KCNG2: variants seen among roughly 807,000 people sequenced by gnomAD.
KCNG2 encodes the protein potassium voltage-gated channel modifier subfamily G member 2.
In KCNG2, 7 loss-of-function variants were observed where a neutral mutation model predicts 12.3. The observed-to-expected ratio is 0.57, with a 90% CI of 0.32 to 1.07. The LOEUF (loss-of-function observed/expected upper bound fraction) is 1.07, where lower values mean the gene tolerates loss of function less well. Among genes scored for constraint, KCNG2 ranks in the 50% least tolerant of loss-of-function variants. The pLI is 0.04. For missense variants in KCNG2, 703 were observed against 726.0 expected (o/e 0.97, Z 0.36); for synonymous variants, 414 against 351.4 (o/e 1.18, Z -1.99).
rs949408376 is a variant in KCNG2, at chr18:79,884,127, G to A, written c.625-14913G>A. The stretch of plus-strand genomic sequence containing the variant: ...CAGCCTCCCGCCTGCAATTTCCGTG[G>A]CACAGGCCGACCTCTCTCTGCCAGC... On this transcript the variant is annotated intron_variant, in intron 3 of 3. Coordinates refer to ENST00000316249, the MANE Select transcript of KCNG2 (RefSeq NM_012283.2). This position sits in a 1 kb window ranked among gnomAD's most constrained non-coding sequence, Gnocchi z 5.5. Among the ~76,000 whole-genome samples, 1 of 152,060 alleles carries A rather than the reference G, an allele frequency of 6.6e-6. No homozygotes were observed. Among genetic ancestry groups the A allele is most frequent in the Admixed American group, 6.5e-5 (1 of 15,276 alleles).
At position 79,832,569 on chromosome 18, in the gene KCNG2, GT is replaced by G. The variant is rs1214201591; in HGVS notation, c.-114-23804del. ...TCTATCTTCTCCCCACTCTCTTGCT[GT>G]TTTTTGAAACCCCACTCCTCCCTTC... On this transcript the variant is annotated intron_variant, in intron 1 of 3. Coordinates refer to ENST00000316249, the MANE Select transcript of KCNG2 (RefSeq NM_012283.2). 3.3e-5 allele frequency among the ~76,000 whole-genome samples: 5 copies of G among 152,154 alleles called. No homozygotes were observed. The East Asian group carries it at 9.7e-4, about 29-fold the overall frequency.
chr18:79,870,439 G>A (rs949033073), intron 3 of KCNG2, among the ~76,000 whole-genome samples: 2 of 152,136 alleles, frequency 1.3e-5, no homozygotes, highest in African/African-American at 2.4e-5. Flanking sequence ...AGGATCCAGA[G>A]GCTTTGGAGG....
intron 2 of KCNG2, among the ~76,000 whole-genome samples, chr18:79,857,128 A>G (rs139911381): frequency 0.026 from 314 of 12,104 alleles, 1 homozygote; most frequent in Non-Finnish European, 0.055. Flanking sequence ...TGTGTTCCTC[A>G]GATCTATGCT....
chr18:79,867,195 C>A (rs1433418085), intron 3 of KCNG2, among the ~76,000 whole-genome samples: 1 of 151,558 alleles, frequency 6.6e-6, no homozygotes, highest in African/African-American at 2.4e-5. Context: ...GCTGAGAGAT[C>A]TGGGTGCTGA....
chr18:79,816,262 C>T (rs1455341148), intron 1 of KCNG2: 4 of 152,358 alleles, frequency 2.6e-5, no homozygotes, highest in Non-Finnish European at 5.9e-5. Flanking sequence ...CAAGTTCCCT[C>T]CTCAGAGGTG....
At chr18:79,846,374 C>CAAAA (rs11421957) in intron 1 of KCNG2, among the ~76,000 whole-genome samples, 21 of 61,256 alleles carry the variant, frequency 3.4e-4, no homozygotes, top group African/African-American at 4.3e-4. Context: ...GACTCCGTCT[C>CAAAA]AAAAAAAAAA....
intron 3 of KCNG2, among the ~76,000 whole-genome samples, chr18:79,894,377 G>A (rs1980871849): frequency 6.7e-6 from 1 of 149,326 alleles, no homozygotes; most frequent in African/African-American, 2.5e-5. Flanking sequence ...TGATATAGTT[G>A]GGTCTGTGTC....
intron 1 of KCNG2, among the ~76,000 whole-genome samples, chr18:79,821,284 G>C (rs2087568032): frequency 8.8e-6 from 1 of 113,582 alleles, no homozygotes; most frequent in Admixed American, 1.2e-4. Flanking sequence ...ATTTTTACTT[G>C]AATTTTTTTT....
intron 1 of KCNG2, among the ~76,000 whole-genome samples, chr18:79,823,127 C>G (rs747021929): frequency 6.6e-6 from 1 of 152,222 alleles, no homozygotes; most frequent in African/African-American, 2.4e-5. Context: ...TGGCAAATCT[C>G]TGCCTTTCTT....
chr18:79,824,283 C>T (rs1167022621), intron 1 of KCNG2, among the ~76,000 whole-genome samples: 3 of 152,258 alleles, frequency 2.0e-5, no homozygotes, highest in East Asian at 1.9e-4. Flanking sequence ...CAGGCGTGAG[C>T]CTCGGTGCTT....
chr18:79,837,106 A>G (rs931093044), intron 1 of KCNG2, among the ~76,000 whole-genome samples: 11 of 152,258 alleles, frequency 7.2e-5, no homozygotes, highest in Non-Finnish European at 1.5e-4. Context: ...AGGAACAGAC[A>G]TCGGGTAAAT....
At chr18:79,865,346 C>G (rs574019786) in intron 3 of KCNG2, among the ~76,000 whole-genome samples, 1,090 of 94,688 alleles carry the variant, frequency 0.012, 30 homozygotes, top group African/African-American at 0.048. Flanking sequence ...GTGCTGAGGT[C>G]TGGGTGCTGA....
intron 3 of KCNG2, among the ~76,000 whole-genome samples, chr18:79,871,469 T>C (rs1351621633): frequency 1.3e-5 from 2 of 152,176 alleles, no homozygotes; most frequent in Admixed American, 6.5e-5. Flanking sequence ...GTGGGGCTCC[T>C]AGGGCAGCTG....
chr18:79,811,931 GA>G (rs1385581251), intron 1 of KCNG2, among the ~76,000 whole-genome samples: 2 of 152,314 alleles, frequency 1.3e-5, no homozygotes, highest in Admixed American at 1.3e-4. Context: ...GAAGAGAGAA[GA>G]AAGACTGGAA....
intron 3 of KCNG2, among the ~76,000 whole-genome samples, chr18:79,866,840 A>AG (rs1979597327): frequency 3.7e-4 from 8 of 21,658 alleles, no homozygotes; most frequent in Admixed American, 7.4e-4. Flanking sequence ...GTGTGCTGAG[A>AG]GTGTGGGTGC....
chr18:79,877,118 C>G (rs1980105285), intron 3 of KCNG2, among the ~76,000 whole-genome samples: 1 of 152,232 alleles, frequency 6.6e-6, no homozygotes, highest in South Asian at 2.1e-4. Context: ...GCTTTTCTGT[C>G]TTCATTTGAC....
At chr18:79,874,114 A>G (rs1018035815) in intron 3 of KCNG2, among the ~76,000 whole-genome samples, 2 of 152,190 alleles carry the variant, frequency 1.3e-5, no homozygotes, top group Non-Finnish European at 2.9e-5. Context: ...TGGCCCTCAC[A>G]TTCGGCCCTC....
Position 79,873,397 on chromosome 18 carries a change from C to G in KCNG2, c.624+9106C>G, listed in dbSNP as rs867538687. On this transcript the variant is annotated intron_variant, in intron 3 of 3. Transcript: ENST00000316249. The stretch of plus-strand genomic sequence containing the variant: ...TTCCCTCTGTCACTCCCCGTGCTGG[C>G]CCACGGGTGCCGCTCCTGCCGGCCC... Among the ~76,000 whole-genome samples the G allele has an allele frequency of 1.8e-3, 270 of 150,602 alleles. 1 individual carries two copies. The highest frequency in any genetic ancestry group is 6.3e-3 in the African/African-American group (253 of 40,380).
At chr18:79,805,504 ATGTC>A (rs2087442329) in intron 1 of KCNG2, among the ~76,000 whole-genome samples, 1 of 151,896 alleles carries the variant, frequency 6.6e-6, no homozygotes, top group South Asian at 2.1e-4. Flanking sequence ...GCACTTGATG[ATGTC>A]TGGCTAAGGC....
Sources: gnomAD v4.1 joint callset for allele counts (sites outside exome capture counted in the v4.1 genomes callset) on GRCh38, gnomAD v4.1.1 for gene constraint, Gnocchi (gnomAD v3.1) non-coding constraint, MANE v1.5 for transcripts, NCBI Gene and HGNC (gene_info 2026-07-23, HGNC 2026-07-21) for gene names.